The following NBEA variants were observed in gnomAD, a reference collection of about 807,000 sequenced individuals.
NBEA encodes neurobeachin.
NBEA carries 44 observed loss-of-function variants against 343.4 expected under a neutral mutation model. That is an observed-to-expected ratio of 0.13 (90% CI 0.10 to 0.16). NBEA has a LOEUF of 0.16. Ranked by LOEUF, NBEA falls within the 10% of genes least tolerant of loss-of-function variation. NBEA has a pLI of 1.00. For synonymous variants in NBEA, 1,175 were observed against 1,238.7 expected, an observed-to-expected ratio of 0.95 and a Z score of 1.08; for missense variants, 2,555 against 3,631.3, an observed-to-expected ratio of 0.70 and a Z score of 7.62.
intron 1 of NBEA, among the ~76,000 whole-genome samples, chr13:34,989,001 C>T (rs2060656558): frequency 6.6e-6 from 1 of 150,388 alleles, no homozygotes; most frequent in Non-Finnish European, 1.5e-5. Context: ...TTTCTTTGTC[C>T]CATTTGTTTT....
chr13:35,006,664 T>G (rs962166834), intron 1 of NBEA, among the ~76,000 whole-genome samples: 46 of 152,210 alleles, frequency 3.0e-4, no homozygotes, highest in African/African-American at 1.0e-3. Context: ...TCTCTTTTTC[T>G]TTCTCTGCAA....
chr13:35,240,652 GA>G (rs1210839189), intron 34 of NBEA, among the ~76,000 whole-genome samples: 1 of 150,738 alleles, frequency 6.6e-6, no homozygotes, highest in Non-Finnish European at 1.5e-5. Context: ...GCTTAAAAGA[GA>G]TTTTTTTTTA....
At chr13:35,088,076 C>T (rs1342529887) in intron 10 of NBEA, among the ~76,000 whole-genome samples, 1 of 151,774 alleles carries the variant, frequency 6.6e-6, no homozygotes, top group African/African-American at 2.4e-5. Flanking sequence ...GTATCACCTA[C>T]CATAGTTAGT....
intron 41 of NBEA, among the ~76,000 whole-genome samples, chr13:35,536,799 C>G (rs2078575704): frequency 6.6e-6 from 1 of 152,146 alleles, no homozygotes; most frequent in Non-Finnish European, 1.5e-5. Context: ...TGTCCTAATT[C>G]TTACGCTGAT....
At chr13:35,176,233 A>T (rs1489269403) in intron 27 of NBEA, among the ~76,000 whole-genome samples, 1 of 152,080 alleles carries the variant, frequency 6.6e-6, no homozygotes, top group African/African-American at 2.4e-5. Context: ...ATCATGATTG[A>T]CATTCATTGA....
intron 46 of NBEA, 146 bp downstream of exon 46, chr13:35,584,184 T>C (rs577341992): frequency 2.0e-4 from 185 of 912,746 alleles, no homozygotes; most frequent in South Asian, 7.8e-4. Flanking sequence ...AGTAGCAAAA[T>C]ATGAATTTTT....
At chr13:35,015,856 CAG>C (rs2061640020) in intron 1 of NBEA, among the ~76,000 whole-genome samples, 1 of 151,918 alleles carries the variant, frequency 6.6e-6, no homozygotes, top group East Asian at 1.9e-4. Context: ...TTATGTATAA[CAG>C]TGATTCAGGT....
At chr13:35,093,231 G>A (rs749411754) in intron 10 of NBEA, among the ~76,000 whole-genome samples, 5 of 151,614 alleles carry the variant, frequency 3.3e-5, no homozygotes, top group Non-Finnish European at 7.4e-5. Flanking sequence ...GAATTTTTTG[G>A]TGTGATAGAA....
intron 34 of NBEA, among the ~76,000 whole-genome samples, chr13:35,271,140 G>T (rs12867690): frequency 6.6e-6 from 1 of 152,154 alleles, no homozygotes; most frequent in Admixed American, 6.5e-5. Flanking sequence ...CCTCTGGGAC[G>T]AAGCTTCCAG....
intron 17 of NBEA, among the ~76,000 whole-genome samples, chr13:35,130,926 TA>T: frequency 6.6e-6 from 1 of 152,036 alleles, no homozygotes; most frequent in South Asian, 2.1e-4. Flanking sequence ...TAAAATGCAG[TA>T]AAAATATTTA....
chr13:35,669,748 A>G (rs1211330503), intron 58 of NBEA, among the ~76,000 whole-genome samples: 1 of 152,214 alleles, frequency 6.6e-6, no homozygotes, highest in Non-Finnish European at 1.5e-5. Flanking sequence ...GGTTGAGTGC[A>G]GTGCAAAGTA....
At chr13:34,969,674 G>C (rs113411164) in intron 1 of NBEA, among the ~76,000 whole-genome samples, 2,344 of 152,094 alleles carry the variant, frequency 0.015, 64 homozygotes, top group African/African-American at 0.054. Flanking sequence ...TTAGTTTGCT[G>C]AGGATAATGG....
intron 1 of NBEA, among the ~76,000 whole-genome samples, chr13:34,948,242 C>T (rs2059247485): frequency 6.6e-6 from 1 of 152,162 alleles, no homozygotes; most frequent in African/African-American, 2.4e-5. Flanking sequence ...GTCTACCCCA[C>T]TGCCTGCCTT....
Position 35,352,342 on chromosome 13 carries a change from G to T in NBEA, c.6179+19G>T. On this transcript the variant is annotated intron_variant, in intron 38 of 58. Transcript: ENST00000379939. The stretch of plus-strand genomic sequence containing the variant: ...CTCATAGGTGAGTTATAATAAATTC[G>T]AGTAAATAATAATTCATAGGTTAAT... 1 of 1,357,070 alleles carries T rather than the reference G, an allele frequency of 7.4e-7. No individual in the cohort carries two copies. The highest frequency in any genetic ancestry group is 2.0e-5 in the South Asian group (1 of 49,984). The allele number at this position is 1,357,070 out of a possible 1,614,324, so 84.1% of individuals were successfully genotyped here.
At chr13:35,556,195 TAAAAG>T (rs538164301) in intron 44 of NBEA, among the ~76,000 whole-genome samples, 352 of 152,128 alleles carry the variant, frequency 2.3e-3, no homozygotes, top group Non-Finnish European at 4.5e-3. Context: ...CCCTCAAAGA[TAAAAG>T]AAATGTGTTA....
intron 29 of NBEA, 23 bp downstream of exon 29, chr13:35,182,551 T>A: frequency 6.3e-7 from 1 of 1,583,316 alleles, no homozygotes; most frequent in Non-Finnish European, 8.6e-7. Context: ...GTATAATTAT[T>A]TGAATTTTCA....
At position 34,990,235 on chromosome 13, in the gene NBEA, C is replaced by T. The variant is rs532524378; in HGVS notation, c.294+47121C>T. On this transcript the variant is annotated intron_variant, in intron 1 of 58. Coordinates refer to ENST00000379939, the MANE Select transcript of NBEA (RefSeq NM_001385012.1). Reference sequence around the variant, plus strand: ...ACTAGGCAGTGCCCCAGTGGGGACTCTTTGTGGGGGCTGTAACCCCACATT... The same window carrying T: ...ACTAGGCAGTGCCCCAGTGGGGACTTTTTGTGGGGGCTGTAACCCCACATT... Among the ~76,000 whole-genome samples the T allele has an allele frequency of 4.6e-5, 7 of 151,248 alleles. No homozygotes were observed. The South Asian group carries it at 1.0e-3, about 23-fold the overall frequency.
chr13:35,354,227 A>G (rs1435681386), intron 38 of NBEA, among the ~76,000 whole-genome samples: 1 of 152,168 alleles, frequency 6.6e-6, no homozygotes, highest in Non-Finnish European at 1.5e-5. Flanking sequence ...TAACCTGAGC[A>G]TTTTACCCAT....
At chr13:35,334,073 A>G (rs139174253) in intron 36 of NBEA, among the ~76,000 whole-genome samples, 43 of 152,154 alleles carry the variant, frequency 2.8e-4, no homozygotes, top group African/African-American at 1.0e-3. Flanking sequence ...CACTGCGATT[A>G]CTAGATCAAA....
Sources: gnomAD v4.1 joint callset for allele counts (sites outside exome capture counted in the v4.1 genomes callset) on GRCh38, gnomAD v4.1.1 for gene constraint, MANE v1.5 for transcripts, NCBI Gene and HGNC (gene_info 2026-07-23, HGNC 2026-07-21) for gene names.